Variants in CRTC1 observed in about 807,000 individuals in gnomAD.
The protein encoded by CRTC1 is CREB regulated transcription coactivator 1, also known as CREB-regulated transcription coactivator 1.
CRTC1 carries 18 observed loss-of-function variants against 66.1 expected under a neutral mutation model. The ratio of observed to expected loss-of-function variants is 0.27; its 90% CI spans 0.19 to 0.40. CRTC1 has a LOEUF of 0.40. CRTC1 is among the 10% of genes least tolerant of loss of function. The probability of loss-of-function intolerance (pLI) is 1.00; values close to 1 mark genes in which losing one functional copy is unlikely to be tolerated. For synonymous variants in CRTC1, 416 were observed against 398.8 expected (o/e 1.04, Z -0.51); for missense variants, 669 against 887.9 (o/e 0.75, Z 3.13).
intron 5 of CRTC1, among the ~76,000 whole-genome samples, chr19:18,750,498 A>T (rs1010913582): frequency 6.6e-6 from 1 of 152,204 alleles, no homozygotes; most frequent in South Asian, 2.1e-4. Flanking sequence ...CACCCTGGGA[A>T]CCTTCAAGGA....
chr19:18,765,732 G>A (rs1428863317), intron 9 of CRTC1, among the ~76,000 whole-genome samples: 3 of 152,240 alleles, frequency 2.0e-5, no homozygotes, highest in Middle Eastern at 3.4e-3. Context: ...AGGCTGAGGC[G>A]GGTGGATCAG....
At chr19:18,719,781 G>A (rs939231439) in intron 1 of CRTC1, among the ~76,000 whole-genome samples, 1 of 152,248 alleles carries the variant, frequency 6.6e-6, no homozygotes, top group African/African-American at 2.4e-5. Flanking sequence ...CCCGGGGCGA[G>A]CAGGGCTGGG....
At chr19:18,751,691 G>A (rs2054367492) in intron 5 of CRTC1, among the ~76,000 whole-genome samples, 1 of 152,100 alleles carries the variant, frequency 6.6e-6, no homozygotes, top group African/African-American at 2.4e-5. Flanking sequence ...GGCTGACATT[G>A]TGGCTGACTC....
chr19:18,749,828 A>G lies in CRTC1; in HGVS notation c.491A>G (p.Gln164Arg). The G allele has an allele frequency of 3.1e-6, 5 of 1,614,098 alleles. No individual in the cohort carries two copies. Among genetic ancestry groups the G allele is most frequent in the Non-Finnish European group, 4.2e-6 (5 of 1,179,988 alleles). ...CACCAGAGCACAATGACGCCCACGC[A>G]GCCAGAATCCTTTAGCAGTGGGTCC... The part of the protein sequence containing the change: ...ALHQSTMTPT[Q>R]PESFSSGSQD... Residue 164 changes from glutamine to arginine, a missense_variant, in exon 5 of 14, where the codon CAG becomes CGG. Coordinates refer to ENST00000321949, the MANE Select transcript of CRTC1 (RefSeq NM_015321.3).
At chr19:18,691,753 G>A (rs942659172) in intron 1 of CRTC1, among the ~76,000 whole-genome samples, 6 of 151,722 alleles carry the variant, frequency 4.0e-5, no homozygotes, top group African/African-American at 4.8e-5. Flanking sequence ...TCACTCTGTC[G>A]CCCATGTTGG....
intron 1 of CRTC1, among the ~76,000 whole-genome samples, chr19:18,704,819 A>G (rs758455557): frequency 6.6e-6 from 1 of 152,242 alleles, no homozygotes; most frequent in African/African-American, 2.4e-5. Context: ...TTGTTTTGCA[A>G]TCATCACCAC....
rs1166142896 is a variant in CRTC1, at chr19:18,775,832, G to T, written c.1693+11G>T. On this transcript the variant is annotated intron_variant, in intron 13 of 13. Transcript: ENST00000321949. ...ACATCATCCTCACAGGTGAGGCCAGGCCGGGGGCGCGTGTGCGGCGCCCCA... is the reference window on the plus strand; with the variant it reads ...ACATCATCCTCACAGGTGAGGCCAGTCCGGGGGCGCGTGTGCGGCGCCCCA... 1 of 1,567,344 alleles carries T rather than the reference G, an allele frequency of 6.4e-7. No homozygotes were observed. Among genetic ancestry groups the T allele is most frequent in the East Asian group, 2.3e-5 (1 of 44,338 alleles).
chr19:18,759,645 C>T (rs1291926475), intron 7 of CRTC1, 54 bp downstream of exon 7: 2 of 1,574,858 alleles, frequency 1.3e-6, no homozygotes, highest in Non-Finnish European at 1.7e-6. Context: ...CTGCTCCGTC[C>T]ACCCTGGGGC....
chr19:18,731,239 C>T (rs2053881832), intron 1 of CRTC1, among the ~76,000 whole-genome samples: 1 of 152,222 alleles, frequency 6.6e-6, no homozygotes, highest in South Asian at 2.1e-4. Flanking sequence ...GGCCAGAAGC[C>T]TAAGATCAAG....
chr19:18,740,837 C>G (rs1361193050), intron 1 of CRTC1, among the ~76,000 whole-genome samples: 1 of 151,856 alleles, frequency 6.6e-6, no homozygotes, highest in Non-Finnish European at 1.5e-5. Context: ...AAAACTCTGT[C>G]TCTACTAGAA....
chr19:18,778,345 CTT>C lies in CRTC1; in HGVS notation c.*966_*967del, dbSNP rs1156781623. 8.8e-6 allele frequency: 2 copies of C among 226,610 alleles called. No individual in the cohort carries two copies. Among genetic ancestry groups the C allele is most frequent in the Admixed American group, 5.7e-5 (1 of 17,558 alleles). The allele number at this position is 226,610 out of a possible 1,614,324, so 14.0% of individuals were successfully genotyped here. A position where few individuals can be genotyped will look rare whatever the true frequency, so the allele number is the denominator to read the frequency against. On this transcript the variant is annotated 3_prime_UTR_variant, in exon 14 of 14. Coordinates refer to ENST00000321949, the MANE Select transcript of CRTC1 (RefSeq NM_015321.3). ...TTTGGTTGTAGATGACTCGCTTAAT[CTT>C]TTAAGCCAACACTTGCCTGAGAGCA...
intron 1 of CRTC1, among the ~76,000 whole-genome samples, chr19:18,697,426 C>T (rs1174589175): frequency 2.0e-5 from 3 of 152,218 alleles, no homozygotes; most frequent in Non-Finnish European, 2.9e-5. Context: ...TGTCCTGCCT[C>T]AGCCTCCTGA....
intron 10 of CRTC1, among the ~76,000 whole-genome samples, chr19:18,769,145 C>A (rs1302907499): frequency 6.6e-6 from 1 of 152,206 alleles, no homozygotes; most frequent in Non-Finnish European, 1.5e-5. Flanking sequence ...AGGGCCAGGG[C>A]GCAGGCCGGG....
rs55916174 is a variant in CRTC1 at position 18,771,171 on chromosome 19, C to T, written c.1321-271C>T. ...GCTGAGTCAGGGCCAACCCTCTGAT[C>T]ACCCTCCTGTAGCTCCAAGAAGGAG... On this transcript the variant is annotated intron_variant, in intron 10 of 13. Coordinates refer to ENST00000321949, the MANE Select transcript of CRTC1 (RefSeq NM_015321.3). This position sits in a 1 kb window ranked among gnomAD's most constrained non-coding sequence, Gnocchi z 4.6. Among the ~76,000 whole-genome samples the T allele has an allele frequency of 0.075, 11,412 of 152,206 alleles. 519 individuals are homozygous for T. Among genetic ancestry groups the T allele is most frequent in the Admixed American group, 0.12 (1,786 of 15,292 alleles).
chr19:18,744,087 C>T, intron 2 of CRTC1: 1 of 1,613,072 alleles, frequency 6.2e-7, no homozygotes, highest in Non-Finnish European at 8.5e-7. Flanking sequence ...GTCTCAAAGT[C>T]TCGGTTCTTT....
At chr19:18,719,883 C>A (rs2053585264) in intron 1 of CRTC1, among the ~76,000 whole-genome samples, 1 of 152,224 alleles carries the variant, frequency 6.6e-6, no homozygotes, top group South Asian at 2.1e-4. Flanking sequence ...TGGGCACAGG[C>A]CCGCTCCGGG....
At position 18,775,622 on chromosome 19, in the gene CRTC1, G is replaced by A. The variant is rs1190777015; in HGVS notation, c.1513-19G>A. 1 of 1,550,998 alleles carries A rather than the reference G, an allele frequency of 6.4e-7. No homozygotes were observed. Among genetic ancestry groups the A allele is most frequent in the South Asian group, 1.2e-5 (1 of 82,378 alleles). The stretch of plus-strand genomic sequence containing the variant: ...AGGCCCGCGGTGGCCCTCACAGCCT[G>A]GTGTGCCTCCCTTCCCAGCTGGAGC... On this transcript the variant is annotated intron_variant, in intron 12 of 13. Transcript: ENST00000321949.
At chr19:18,748,461 C>T (rs2054293662) in intron 4 of CRTC1, among the ~76,000 whole-genome samples, 2 of 147,030 alleles carry the variant, frequency 1.4e-5, no homozygotes, top group Admixed American at 1.4e-4. Flanking sequence ...CCAAGTGATC[C>T]ACCCATCTCG....
At chr19:18,737,754 C>CCTG (rs372654852) in intron 1 of CRTC1, among the ~76,000 whole-genome samples, 2 of 151,734 alleles carry the variant, frequency 1.3e-5, no homozygotes, top group African/African-American at 2.4e-5. Flanking sequence ...TCCTCCTCCT[C>CCTG]CTCCTCCTCC....
Sources: allele counts gnomAD v4.1 joint callset (sites outside exome capture counted in the v4.1 genomes callset), GRCh38; gene constraint gnomAD v4.1.1; non-coding constraint Gnocchi (gnomAD v3.1); transcripts MANE v1.5; gene names NCBI Gene and HGNC (gene_info 2026-07-23, HGNC 2026-07-21).